NEK10: variants seen among roughly 807,000 people sequenced by gnomAD.
NEK10 encodes the protein serine/threonine-protein kinase Nek10.
In NEK10, 122 loss-of-function variants were observed where a neutral mutation model predicts 159.8. That is an observed-to-expected ratio of 0.76 (90% CI 0.66 to 0.89). The LOEUF is 0.89. Ranked by LOEUF, NEK10 falls within the 40% of genes least tolerant of loss-of-function variation. The pLI is 0.00. For missense variants in NEK10, 1,342 were observed against 1,323.1 expected, an observed-to-expected ratio of 1.01 and a Z score of -0.22; for synonymous variants, 466 against 457.1, an observed-to-expected ratio of 1.02 and a Z score of -0.25.
At chr3:27,178,150 A>G (rs1046708537) in intron 26 of NEK10, among the ~76,000 whole-genome samples, 3 of 152,204 alleles carry the variant, frequency 2.0e-5, no homozygotes, top group African/African-American at 7.2e-5. Flanking sequence ...TATTGGCACA[A>G]TTATGTTTAG....
Position 27,143,777 on chromosome 3 carries a change from A to G in NEK10, c.2870-2195T>C, listed in dbSNP as rs980173788. On this transcript the variant is annotated intron_variant, in intron 30 of 35. Transcript: ENST00000691995. ...CCATCACAGCCACCTCCCCAGAAAT[A>G]ACCTGTGATATCAGAGGGGTGTGTT... Among the ~76,000 whole-genome samples, 4 of 152,298 alleles carry G rather than the reference A, an allele frequency of 2.6e-5. No individual in the cohort carries two copies. The East Asian group carries it at 7.7e-4, about 29-fold the overall frequency.
At chr3:27,138,382 G>C (rs1943438437) in intron 31 of NEK10, among the ~76,000 whole-genome samples, 2 of 152,170 alleles carry the variant, frequency 1.3e-5, no homozygotes, top group African/African-American at 2.4e-5. Context: ...CTCCAGTATA[G>C]CACCTTACTA....
In NEK10 at chr3:27,111,005, T is replaced by C. The variant is rs558384214; in HGVS notation, c.*267A>G. On this transcript the variant is annotated 3_prime_UTR_variant, in exon 36 of 36. Transcript: ENST00000691995. ...GGTTTTCCCCCCACCCTCCAAAAGATGAATTTTGCAGCATTTTCTCCCAGC... is the reference window on the plus strand; with the variant it reads ...GGTTTTCCCCCCACCCTCCAAAAGACGAATTTTGCAGCATTTTCTCCCAGC... 51 of 320,630 alleles carry C rather than the reference T, an allele frequency of 1.6e-4. No individual in the cohort carries two copies. The highest frequency in any genetic ancestry group is 2.5e-4 in the Non-Finnish European group (45 of 176,972). The allele number at this position is 320,630 out of a possible 1,614,324, so 19.9% of individuals were successfully genotyped here. A position where few individuals can be genotyped will look rare whatever the true frequency, so the allele number is the denominator to read the frequency against.
At chr3:27,230,066 T>TA (rs1953072733) in intron 23 of NEK10, among the ~76,000 whole-genome samples, 1 of 152,002 alleles carries the variant, frequency 6.6e-6, no homozygotes, top group Non-Finnish European at 1.5e-5. Context: ...AGCACATAGT[T>TA]ATCAGGCAAA....
intron 10 of NEK10, among the ~76,000 whole-genome samples, chr3:27,308,452 A>G (rs1029155213): frequency 6.6e-6 from 1 of 152,198 alleles, no homozygotes; most frequent in African/African-American, 2.4e-5. Flanking sequence ...AAAAGGAATC[A>G]TATGTTATTC....
At chr3:27,259,137 G>GA in intron 22 of NEK10, among the ~76,000 whole-genome samples, 1 of 151,978 alleles carries the variant, frequency 6.6e-6, no homozygotes, top group South Asian at 2.1e-4. Context: ...CAGATGAGTA[G>GA]ATTGCAAAAA....
At chr3:27,157,531 G>T (rs986592574) in intron 30 of NEK10, among the ~76,000 whole-genome samples, 1 of 152,176 alleles carries the variant, frequency 6.6e-6, no homozygotes. Context: ...TTGAATGGAT[G>T]AGCAGTTGCT....
chr3:27,137,979 T>C (rs538710672), intron 31 of NEK10, among the ~76,000 whole-genome samples: 1 of 152,338 alleles, frequency 6.6e-6, no homozygotes, highest in African/African-American at 2.4e-5. Context: ...CAGCTTGTGA[T>C]ACTGGAACAT....
At chr3:27,279,714 T>C (rs1188924649) in intron 22 of NEK10, among the ~76,000 whole-genome samples, 4 of 152,160 alleles carry the variant, frequency 2.6e-5, no homozygotes, top group African/African-American at 9.7e-5. Context: ...AACCACACAA[T>C]TGCTTTAGTG....
Position 27,312,157 on chromosome 3 carries a change from A to G in NEK10, c.510T>C (p.Asn170=). The change falls in exon 8 of 36, where the codon AAT becomes AAC. Residue 170 remains asparagine, a synonymous_variant. Transcript: ENST00000691995. ...NLAQYMEIVA[N]EYLGYGEEQH... is the part of the protein sequence containing the mutation. The stretch of plus-strand genomic sequence containing the variant: ...GCTCTTCTCCATAGCCGAGGTACTC[A>G]TTGGCTACAATCTCCATATACTGCA... 1.2e-6 allele frequency: 2 copies of G among 1,610,722 alleles called. No homozygotes were observed. The highest frequency in any genetic ancestry group is 1.7e-6 in the Non-Finnish European group (2 of 1,178,000).
At chr3:27,137,511 CT>C (rs1266177294) in intron 31 of NEK10, among the ~76,000 whole-genome samples, 1 of 152,128 alleles carries the variant, frequency 6.6e-6, no homozygotes, top group African/African-American at 2.4e-5. Context: ...GTTAAGAATG[CT>C]TTTTCCATAT....
intron 23 of NEK10, among the ~76,000 whole-genome samples, chr3:27,239,837 G>T (rs1428608064): frequency 6.6e-6 from 1 of 152,100 alleles, no homozygotes. Context: ...CAAGTCATAA[G>T]AGAAAAACTT....
chr3:27,174,525 T>A lies in NEK10; in HGVS notation c.2690A>T (p.Asp897Val). The change falls in exon 28 of 36, where the codon GAT becomes GTT. Residue 897 changes from aspartate to valine, a missense_variant and splice_region_variant. Transcript: ENST00000691995. ...TTCATCATCTACCTCTGAATATGTA[T>A]CTGCACATTAATAAAAACAATAAAA... ...DNFNLENAEKDTYSEVDDELD... is the reference protein window; with the variant it reads ...DNFNLENAEKVTYSEVDDELD... The A allele has an allele frequency of 6.2e-7, 1 of 1,608,214 alleles. No individual in the cohort carries two copies. Among genetic ancestry groups the A allele is most frequent in the South Asian group, 1.1e-5 (1 of 90,130 alleles).
At chr3:27,235,811 C>A (rs955049753) in intron 23 of NEK10, among the ~76,000 whole-genome samples, 2 of 151,952 alleles carry the variant, frequency 1.3e-5, no homozygotes, top group Non-Finnish European at 2.9e-5. Flanking sequence ...AACATGCATG[C>A]ACTATTCACT....
intron 5 of NEK10, among the ~76,000 whole-genome samples, chr3:27,338,499 A>G (rs191338876): frequency 5.9e-5 from 9 of 152,358 alleles, no homozygotes; most frequent in Admixed American, 5.9e-4. Context: ...TAGATCCTAG[A>G]GGAATTGCCA....
At position 27,284,959 on chromosome 3, in the gene NEK10, C is replaced by T. The variant is rs773575406; in HGVS notation, c.1792G>A (p.Asp598Asn). 4 of 1,591,524 alleles carry T rather than the reference C, an allele frequency of 2.5e-6. No homozygotes were observed. In the Admixed American group the frequency reaches 5.5e-5, roughly 22 times the overall value. ...AGCTCCATAACTATGTACAACCTATCATCTATATAAATATCACAAAAGGTC... is the reference window on the plus strand; with the variant it reads ...AGCTCCATAACTATGTACAACCTATTATCTATATAAATATCACAAAAGGTC... ...VRYYKTFLENDRLYIVMELIE... is the reference protein window; with the variant it reads ...VRYYKTFLENNRLYIVMELIE... Residue 598 changes from aspartate (D) to asparagine (N), a missense_variant and splice_region_variant, in exon 21 of 36, where the codon GAT (aspartate) becomes AAT (asparagine). Physicochemically the swap from Asp to Asn is conservative, Grantham distance 23. Transcript: ENST00000691995.
intron 30 of NEK10, among the ~76,000 whole-genome samples, chr3:27,153,567 C>G (rs1478684670): frequency 1.3e-5 from 2 of 152,082 alleles, no homozygotes; most frequent in African/African-American, 2.4e-5. Context: ...ATAAAATGAG[C>G]CTCAATAAAT....
At position 27,293,604 on chromosome 3, in the gene NEK10, T is replaced by C; in HGVS notation, c.1357A>G (p.Arg453Gly). The stretch of plus-strand genomic sequence containing the variant: ...ACCTCATACCTTTTAAAGAGTGGTC[T>C]GTTTCTTTCCATACTGAAGAGAAAT... ...LRFLFSMERN[R>G]PLFKRLFPTD... Residue 453 changes from arginine to glycine, a missense_variant, in exon 16 of 36, where the codon AGA becomes GGA. Transcript: ENST00000691995. The C allele has an allele frequency of 6.4e-7, 1 of 1,563,552 alleles. No homozygotes were observed. The highest frequency in any genetic ancestry group is 2.2e-5 in the East Asian group (1 of 44,608).
intron 16 of NEK10, among the ~76,000 whole-genome samples, chr3:27,292,411 A>G (rs1327117519): frequency 1.3e-5 from 2 of 152,216 alleles, no homozygotes; most frequent in Non-Finnish European, 2.9e-5. Flanking sequence ...GAAAATAAAA[A>G]TACTGGTACA....
Sources: gnomAD v4.1 joint callset for allele counts (sites outside exome capture counted in the v4.1 genomes callset) on GRCh38, gnomAD v4.1.1 for gene constraint, MANE v1.5 for transcripts, NCBI Gene and HGNC (gene_info 2026-07-23, HGNC 2026-07-21) for gene names.